Variants in FBN2 observed in about 807,000 individuals in gnomAD.
The protein encoded by FBN2 is fibrillin 2, also known as fibrillin-2.
In FBN2, 105 loss-of-function variants were observed where a neutral mutation model predicts 355.6. The observed-to-expected ratio is 0.30, with a 90% CI of 0.25 to 0.35. FBN2 has a LOEUF of 0.35. Among genes scored for constraint, FBN2 ranks in the 10% least tolerant of loss-of-function variants. The probability of loss-of-function intolerance (pLI) is 1.00; values close to 1 mark genes in which losing one functional copy is unlikely to be tolerated. For missense variants in FBN2, 3,280 were observed against 3,758.7 expected (o/e 0.87, Z 3.33); for synonymous variants, 1,350 against 1,301.2 (o/e 1.04, Z -0.81).
chr5:128,319,247 G>C (rs1316487806), intron 34 of FBN2, among the ~76,000 whole-genome samples: 1 of 151,576 alleles, frequency 6.6e-6, no homozygotes, highest in Non-Finnish European at 1.5e-5. Context: ...GAATGACTTG[G>C]ATTATGATAT....
At chr5:128,355,498 T>C (rs1280688900) in intron 20 of FBN2, among the ~76,000 whole-genome samples, 1 of 152,168 alleles carries the variant, frequency 6.6e-6, no homozygotes, top group Non-Finnish European at 1.5e-5. Context: ...ATTCATAGTA[T>C]CCAACTAATT....
intron 5 of FBN2, among the ~76,000 whole-genome samples, chr5:128,507,732 A>C (rs1199599013): frequency 6.6e-6 from 1 of 152,070 alleles, no homozygotes; most frequent in African/African-American, 2.4e-5. Context: ...CATGTGCAAT[A>C]AAAAGGAATG....
At chr5:128,273,292 T>C (rs957199490) in intron 61 of FBN2, among the ~76,000 whole-genome samples, 1 of 152,220 alleles carries the variant, frequency 6.6e-6, no homozygotes, top group Non-Finnish European at 1.5e-5. Context: ...TCCACTTAAA[T>C]GTTCCCTTGG....
intron 51 of FBN2, among the ~76,000 whole-genome samples, chr5:128,289,673 T>C (rs887655232): frequency 6.6e-6 from 1 of 152,156 alleles, no homozygotes; most frequent in African/African-American, 2.4e-5. Context: ...TAAATACTTC[T>C]TTTGTCAGAG....
At chr5:128,368,554 A>C (rs1751845793) in intron 16 of FBN2, among the ~76,000 whole-genome samples, 2 of 150,154 alleles carry the variant, frequency 1.3e-5, no homozygotes, top group Non-Finnish European at 3.0e-5. Context: ...GAAAGTGGTA[A>C]GTAAATTTTA....
In FBN2 at chr5:128,349,499, A is replaced by G. The variant is rs750931732; in HGVS notation, c.2864-27T>C. Reference sequence around the variant, plus strand: ...TGCAGGGAAATGCAGCAAGCAGAGGAGCAAAGATGTTACAAATAGAAAAAG... The same window carrying G: ...TGCAGGGAAATGCAGCAAGCAGAGGGGCAAAGATGTTACAAATAGAAAAAG... On this transcript the variant is annotated intron_variant, in intron 22 of 64. Coordinates refer to ENST00000262464, the MANE Select transcript of FBN2 (RefSeq NM_001999.4). 5 of 1,612,474 alleles carry G rather than the reference A, an allele frequency of 3.1e-6. No homozygotes were observed. The South Asian group carries it at 5.5e-5, about 18-fold the overall frequency.
intron 43 of FBN2, 40 bp downstream of exon 43, chr5:128,305,783 C>A (rs763452650): frequency 1.9e-6 from 3 of 1,610,814 alleles, no homozygotes; most frequent in Admixed American, 1.7e-5. Context: ...ATATGTATAC[C>A]AAATTATACT....
intron 7 of FBN2, among the ~76,000 whole-genome samples, chr5:128,411,583 T>C (rs1753064526): frequency 6.6e-6 from 1 of 152,214 alleles, no homozygotes; most frequent in African/African-American, 2.4e-5. Context: ...ATTCAGATGC[T>C]TCTTCTCTCC....
chr5:128,408,726 A>G lies in FBN2; in HGVS notation c.1026T>C (p.Phe342=). ...TTACATATCCACGTGGACAAACACA[A>G]AAATAGCTTCCCACGGTGTTGGAAC... The part of the protein sequence containing the change: ...GECSNTVGSY[F]CVCPRGYVTS... The change falls in exon 8 of 65, where the codon TTT becomes TTC. Residue 342 remains phenylalanine (F), a synonymous_variant. Coordinates refer to ENST00000262464, the MANE Select transcript of FBN2 (RefSeq NM_001999.4). 6.2e-7 allele frequency: 1 copy of G among 1,614,046 alleles called. No individual in the cohort carries two copies. The highest frequency in any genetic ancestry group is 8.5e-7 in the Non-Finnish European group (1 of 1,179,934).
chr5:128,378,839 G>T lies in FBN2; in HGVS notation c.1655C>A (p.Thr552Lys). The change falls in exon 12 of 65, where the codon ACA becomes AAA. Residue 552 changes from threonine (T) to lysine (K), a missense_variant. Around this residue, in one of 6 missense-constraint regions of FBN2, gnomAD observed 2,284 missense variants for 2,749.5 expected, o/e 0.83. Transcript: ENST00000262464. ...ACATTTACAATAATAGGAACCAGGT[G>T]TGTTAACACAATCTCCATTAGTGCA... is the stretch of plus-strand genomic sequence containing the variant. ...NPCTNGDCVN[T>K]PGSYYCKCHA... is the part of the protein sequence containing the mutation. The T allele has an allele frequency of 6.2e-7, 1 of 1,613,122 alleles. No individual in the cohort carries two copies. The highest frequency in any genetic ancestry group is 1.3e-5 in the African/African-American group (1 of 75,006).
At chr5:128,524,110 C>T (rs1052120835) in intron 4 of FBN2, among the ~76,000 whole-genome samples, 1 of 152,082 alleles carries the variant, frequency 6.6e-6, no homozygotes, top group African/African-American at 2.4e-5. Context: ...CAATTCTTAC[C>T]ATTTTCCCTT....
intron 7 of FBN2, among the ~76,000 whole-genome samples, chr5:128,418,349 T>C (rs962675623): frequency 2.6e-5 from 4 of 152,148 alleles, no homozygotes; most frequent in Non-Finnish European, 4.4e-5. Flanking sequence ...TTTTGCTTAG[T>C]TTTGCTCTGA....
intron 5 of FBN2, among the ~76,000 whole-genome samples, chr5:128,485,300 G>A (rs1481476809): frequency 6.6e-6 from 1 of 152,118 alleles, no homozygotes; most frequent in Non-Finnish European, 1.5e-5. Flanking sequence ...TGAGATTACA[G>A]GCATGAGCCA....
chr5:128,456,008 A>AAAAAAAAAAAAAAAAAAAG (rs1754380371), intron 6 of FBN2, among the ~76,000 whole-genome samples: 1 of 144,552 alleles, frequency 6.9e-6, no homozygotes, highest in African/African-American at 2.6e-5. Context: ...AAAAAAAAAA[A>AAAAAAAAAAAAAAAAAAAG]AAAAAAAAAA....
intron 28 of FBN2, 130 bp from the exon 29 acceptor site, chr5:128,335,707 C>G: frequency 8.7e-7 from 1 of 1,145,914 alleles, no homozygotes; most frequent in South Asian, 1.2e-5. Flanking sequence ...TGAACATTAT[C>G]TTTCTTAGTT....
chr5:128,383,709 T>C (rs1249258925), intron 11 of FBN2, among the ~76,000 whole-genome samples: 1 of 152,046 alleles, frequency 6.6e-6, no homozygotes, highest in Non-Finnish European at 1.5e-5. Flanking sequence ...ATGGTCAACA[T>C]CTTTTTATGT....
At chr5:128,273,794 T>C (rs1765320804) in intron 61 of FBN2, 46 bp downstream of exon 61, 6 of 1,582,038 alleles carry the variant, frequency 3.8e-6, no homozygotes, top group Non-Finnish European at 5.2e-6. Flanking sequence ...AAAATATATA[T>C]GGTTTACTGT....
intron 60 of FBN2, 71 bp downstream of exon 60, chr5:128,274,496 A>T: frequency 1.2e-6 from 1 of 849,642 alleles, no homozygotes; most frequent in South Asian, 1.3e-5. Flanking sequence ...TCTTCTGTTT[A>T]TAATTTTAAA....
chr5:128,465,415 T>C (rs1754683685), intron 5 of FBN2, among the ~76,000 whole-genome samples: 2 of 152,212 alleles, frequency 1.3e-5, no homozygotes. Context: ...TCAGCATTAA[T>C]GACTCCTCTT....
Sources: allele counts gnomAD v4.1 joint callset (sites outside exome capture counted in the v4.1 genomes callset), GRCh38; gene constraint gnomAD v4.1.1; regional missense constraint gnomAD v4.1.1; transcripts MANE v1.5; gene names NCBI Gene and HGNC (gene_info 2026-07-23, HGNC 2026-07-21).